ADPRHL1: variants seen among roughly 807,000 people sequenced by gnomAD.
The protein encoded by ADPRHL1 is inactive ADP-ribosyltransferase ARH2.
ADPRHL1 carries 43 observed loss-of-function variants against 44.1 expected under a neutral mutation model. The observed-to-expected ratio is 0.98, with a 90% CI of 0.76 to 1.26. The LOEUF is 1.26. Among genes scored for constraint, ADPRHL1 ranks in the 50% most tolerant of loss-of-function variants. The pLI, the probability that ADPRHL1 is intolerant of heterozygous loss-of-function variation, is 0.00. For synonymous variants in ADPRHL1, 878 were observed against 1,017.4 expected, an observed-to-expected ratio of 0.86 and a Z score of 2.61; for missense variants, 2,022 against 2,496.9, an observed-to-expected ratio of 0.81 and a Z score of 4.05.
intron 2 of ADPRHL1, among the ~76,000 whole-genome samples, chr13:113,438,564 C>G (rs1309703429): frequency 6.6e-6 from 1 of 152,066 alleles, no homozygotes; most frequent in Non-Finnish European, 1.5e-5. Context: ...CATGGTGGCA[C>G]GCACCTGTAG....
chr13:113,438,909 T>C (rs1321961702), intron 2 of ADPRHL1, among the ~76,000 whole-genome samples: 1 of 152,238 alleles, frequency 6.6e-6, no homozygotes, highest in South Asian at 2.1e-4. Context: ...CAAGTCCTTA[T>C]CAGATATCTG....
rs998616459 is a variant in ADPRHL1 at position 113,441,142 on chromosome 13, G to C, written c.379+3283C>G. On this transcript the variant is annotated intron_variant, in intron 2 of 7. Coordinates refer to ENST00000612156, the MANE Select transcript of ADPRHL1 (RefSeq NM_001394807.1). This position sits in a 1 kb window ranked among gnomAD's most constrained non-coding sequence, Gnocchi z 6.0. The stretch of plus-strand genomic sequence containing the variant: ...CACTCCAATCTGGGCGACAGAGCAA[G>C]ACTCCATCTCAAAATTAAAAAGTTG... Among the ~76,000 whole-genome samples the C allele has an allele frequency of 1.3e-5, 2 of 152,182 alleles. No homozygotes were observed. The highest frequency in any genetic ancestry group is 2.9e-5 in the Non-Finnish European group (2 of 68,044).
rs1353837264 is a variant in ADPRHL1 at position 113,405,286 on chromosome 13, C to A, written c.3996G>T (p.Gln1332His). 1.1e-5 allele frequency: 13 copies of A among 1,231,802 alleles called. No individual in the cohort carries two copies. The highest frequency in any genetic ancestry group is 1.3e-5 in the Non-Finnish European group (13 of 988,128). The allele number at this position is 1,231,802 out of a possible 1,614,324, so 76.3% of individuals were successfully genotyped here. ...GTGCCTGTAGATGGGGAGGGCCCCG[C>A]TGGTGGGTGCCACCTACCCACCCCA... is the stretch of plus-strand genomic sequence containing the variant. ...VDMGWVGGTH[Q>H]RGPPHLQAHL... Residue 1332 changes from glutamine to histidine, a missense_variant, in exon 8 of 8, where the codon CAG becomes CAT. Physicochemically the swap from Gln to His is conservative, Grantham distance 24. This residue lies in a region of ADPRHL1 where 1,221 missense variants were observed against 1,517.8 expected (regional missense o/e 0.80). Coordinates refer to ENST00000612156, the MANE Select transcript of ADPRHL1 (RefSeq NM_001394807.1).
intron 1 of ADPRHL1, among the ~76,000 whole-genome samples, chr13:113,449,790 G>C (rs538896070): frequency 6.6e-6 from 1 of 152,344 alleles, no homozygotes; most frequent in Non-Finnish European, 1.5e-5. Flanking sequence ...GCATGCTGAA[G>C]AGCCCCTGCA....
rs375655793 is a variant in ADPRHL1, at chr13:113,425,194, C to T, written c.647-15G>A. On this transcript the variant is annotated splice_polypyrimidine_tract_variant and intron_variant, in intron 4 of 7. Transcript: ENST00000612156. ...CTCCTGGTATTCTAAACATAAAGAA[C>T]AAGGGGAGCTGAACACAATGGCATC... is the stretch of plus-strand genomic sequence containing the variant. 6.8e-6 allele frequency: 10 copies of T among 1,464,602 alleles called. No individual in the cohort carries two copies. The highest frequency in any genetic ancestry group is 9.1e-6 in the Non-Finnish European group (10 of 1,093,868). The allele number at this position is 1,464,602 out of a possible 1,614,324, so 90.7% of individuals were successfully genotyped here.
In ADPRHL1 at chr13:113,407,535, T is replaced by G. The variant is rs1595536459; in HGVS notation, c.1747A>C (p.Lys583Gln). The G allele has an allele frequency of 8.1e-7, 1 of 1,232,226 alleles. No individual in the cohort carries two copies. The highest frequency in any genetic ancestry group is 3.2e-5 in the East Asian group (1 of 31,702). 76.3% of individuals were successfully genotyped at this position (1,232,226 alleles called of 1,614,324 possible). A position where few individuals can be genotyped will look rare whatever the true frequency, so the allele number is the denominator to read the frequency against. The change falls in exon 8 of 8, where the codon AAG (lysine) becomes CAG (glutamine). Residue 583 changes from lysine (K) to glutamine (Q), a missense_variant. By Grantham distance (53) the Lys-to-Gln change is moderately conservative. This residue lies in a region of ADPRHL1 where 1,221 missense variants were observed against 1,517.8 expected (regional missense o/e 0.80). Coordinates refer to ENST00000612156, the MANE Select transcript of ADPRHL1 (RefSeq NM_001394807.1). ...CGCACCTCCGGCCGGTGCATCCTCT[T>G]CCTCTGCAGGTTCCTCTTCTTCCGC... is the stretch of plus-strand genomic sequence containing the variant. ...QERKKRNLQR[K>Q]RMHRPEVRVL... is the part of the protein sequence containing the mutation.
rs2044041591 is a variant in ADPRHL1, at chr13:113,435,151, CATA to C, written c.380-1287_380-1285del. 5.3e-5 allele frequency among the ~76,000 whole-genome samples: 3 copies of C among 56,702 alleles called. 1 individual carries two copies. Among genetic ancestry groups the C allele is most frequent in the African/African-American group, 1.3e-4 (2 of 15,084 alleles). The allele number at this position is 56,702 out of a possible 152,430, so 37.2% of individuals were successfully genotyped here. On this transcript the variant is annotated intron_variant, in intron 2 of 7. Coordinates refer to ENST00000612156, the MANE Select transcript of ADPRHL1 (RefSeq NM_001394807.1). ...TGTACCCCAGGACCCGGCACCCACG[CATA>C]GAGTGAACATAGGTGTACCCTGTGA...
At chr13:113,437,492 C>A (rs998021221) in intron 2 of ADPRHL1, among the ~76,000 whole-genome samples, 2 of 152,224 alleles carry the variant, frequency 1.3e-5, no homozygotes, top group Non-Finnish European at 2.9e-5. Flanking sequence ...CTCTCCCAAG[C>A]CCCACTGCTG....
At chr13:113,450,074 A>C (rs1190259419) in intron 1 of ADPRHL1, among the ~76,000 whole-genome samples, 4 of 152,192 alleles carry the variant, frequency 2.6e-5, no homozygotes, top group Admixed American at 2.0e-4. Context: ...AGTGCTGTGG[A>C]GTCAGCACTC....
intron 2 of ADPRHL1, among the ~76,000 whole-genome samples, chr13:113,438,565 G>T (rs149096665): frequency 1.3e-5 from 2 of 152,096 alleles, no homozygotes; most frequent in Non-Finnish European, 2.9e-5. Flanking sequence ...ATGGTGGCAC[G>T]CACCTGTAGT....
rs564509491 is a variant in ADPRHL1, at chr13:113,434,222, G to A, written c.380-355C>T. Among the ~76,000 whole-genome samples the A allele has an allele frequency of 4.6e-5, 7 of 152,206 alleles. No homozygotes were observed. The East Asian group carries it at 1.2e-3, about 25-fold the overall frequency. On this transcript the variant is annotated intron_variant, in intron 2 of 7. Coordinates refer to ENST00000612156, the MANE Select transcript of ADPRHL1 (RefSeq NM_001394807.1). ...AAACTAGGCATAATGAAACATGCAC[G>A]ACCCTAAGATTTTTATACTGGTGTA... is the stretch of plus-strand genomic sequence containing the variant.
intron 5 of ADPRHL1, 74 bp from the exon 6 acceptor site, chr13:113,424,423 C>T: frequency 6.3e-7 from 1 of 1,582,886 alleles, no homozygotes; most frequent in Non-Finnish European, 8.6e-7. Flanking sequence ...CACAAGCTTT[C>T]TGGGCCCCTC....
rs9549775 is a variant in ADPRHL1, at chr13:113,412,914, A to G, written c.1062-4694T>C. 8.8e-3 allele frequency among the ~76,000 whole-genome samples: 128 copies of G among 14,594 alleles called. 3 individuals carry two copies. Among genetic ancestry groups the G allele is most frequent in the South Asian group, 0.01 (4 of 394 alleles). 9.6% of individuals were successfully genotyped at this position (14,594 alleles called of 152,430 possible). On this transcript the variant is annotated intron_variant, in intron 7 of 7. Coordinates refer to ENST00000612156, the MANE Select transcript of ADPRHL1 (RefSeq NM_001394807.1). ...GCTCGGTTCACCCACCGCCAACAGC[A>G]CCCCGCAGAACTCGGTTCACCCACC...
intron 7 of ADPRHL1, among the ~76,000 whole-genome samples, chr13:113,410,397 C>T (rs552113679): frequency 2.0e-5 from 3 of 152,124 alleles, no homozygotes; most frequent in East Asian, 1.9e-4. Flanking sequence ...CTGGTGATTC[C>T]GAGGCCGCTG....
chr13:113,428,042 G>A (rs2043979454), intron 4 of ADPRHL1, among the ~76,000 whole-genome samples: 1 of 152,206 alleles, frequency 6.6e-6, no homozygotes, highest in Non-Finnish European at 1.5e-5. Flanking sequence ...AGGCGGGTCA[G>A]TTGAAGTCAG....
intron 4 of ADPRHL1, among the ~76,000 whole-genome samples, chr13:113,426,757 G>A (rs1407408732): frequency 6.6e-6 from 1 of 152,258 alleles, no homozygotes; most frequent in African/African-American, 2.4e-5. Flanking sequence ...AACTCCGGGT[G>A]GAGCGTCAAC....
chr13:113,444,999 T>G, intron 1 of ADPRHL1, among the ~76,000 whole-genome samples: 1 of 152,214 alleles, frequency 6.6e-6, no homozygotes. Context: ...TATGGGCTTG[T>G]GACGCCGATG....
rs1178084645 is a variant in ADPRHL1 at position 113,406,005 on chromosome 13, G to T, written c.3277C>A (p.Arg1093Ser). The change falls in exon 8 of 8, where the codon CGC (arginine) becomes AGC (serine). Residue 1093 changes from arginine to serine, a missense_variant. Arg to Ser is a moderately radical substitution (Grantham distance 110, BLOSUM62 -1). Transcript: ENST00000612156. ...TTTAATGAGGACAGTGGGTTCTCGC[G>T]AACATCATGGCTGGTGATTTCCTCG... ...AAEEITSHDV[R>S]ENPLSSLNEP... The T allele has an allele frequency of 8.1e-7, 1 of 1,232,110 alleles. No individual in the cohort carries two copies. Among genetic ancestry groups the T allele is most frequent in the Non-Finnish European group, 1.0e-6 (1 of 988,028 alleles). 76.3% of individuals were successfully genotyped at this position (1,232,110 alleles called of 1,614,324 possible). A position where few individuals can be genotyped will look rare whatever the true frequency, so the allele number is the denominator to read the frequency against.
intron 2 of ADPRHL1, among the ~76,000 whole-genome samples, 162 bp downstream of exon 2, chr13:113,444,263 C>T (rs529516492): frequency 3.3e-5 from 5 of 151,880 alleles, no homozygotes; most frequent in Middle Eastern, 3.4e-3. Flanking sequence ...CCGCACTGGC[C>T]GGGCTGACCA....
Sources: gnomAD v4.1 joint callset for allele counts (sites outside exome capture counted in the v4.1 genomes callset) on GRCh38, gnomAD v4.1.1 for gene constraint, gnomAD v4.1.1 regional missense constraint, Gnocchi (gnomAD v3.1) non-coding constraint, MANE v1.5 for transcripts, NCBI Gene and HGNC (gene_info 2026-07-23, HGNC 2026-07-21) for gene names.